Variants in ZFC3H1 observed in about 807,000 individuals in gnomAD.
ZFC3H1 encodes zinc finger C3H1 domain-containing protein.
Under a neutral mutation model 243.7 loss-of-function variants are expected in ZFC3H1, and 71 were observed. The observed-to-expected ratio is 0.29, with a 90% CI of 0.24 to 0.36. ZFC3H1 has a LOEUF of 0.36. Among genes scored for constraint, ZFC3H1 ranks in the 10% least tolerant of loss-of-function variants. The pLI is 1.00. For missense variants in ZFC3H1, 1,966 were observed against 2,317.1 expected (o/e 0.85, Z 3.11); for synonymous variants, 838 against 813.0 (o/e 1.03, Z -0.52).
At chr12:71,611,017 C>CT in intron 33 of ZFC3H1, 41 bp downstream of exon 33, 1 of 1,573,060 alleles carries the variant, frequency 6.4e-7, no homozygotes, top group Non-Finnish European at 8.6e-7. Context: ...GACAGAAAAA[C>CT]TTTTTAAAAG....
chr12:71,655,094 G>C (rs757043058), intron 2 of ZFC3H1, among the ~76,000 whole-genome samples: 1 of 152,026 alleles, frequency 6.6e-6, no homozygotes, highest in Non-Finnish European at 1.5e-5. Flanking sequence ...AACACAAAAA[G>C]CTCAAGTAAT....
intron 6 of ZFC3H1, among the ~76,000 whole-genome samples, chr12:71,640,872 T>C (rs539938691): frequency 1.7e-4 from 26 of 152,302 alleles, no homozygotes; most frequent in East Asian, 1.2e-3. Flanking sequence ...TGGTTTTTTT[T>C]TTCCCCCGCC....
At chr12:71,613,019 G>A (rs17109973) in intron 31 of ZFC3H1, among the ~76,000 whole-genome samples, 13,761 of 152,164 alleles carry the variant, frequency 0.09, 697 homozygotes, top group African/African-American at 0.13. Context: ...TTCCCTTGCC[G>A]TGGAAAACAA....
In ZFC3H1 at chr12:71,629,779, G is replaced by A. The variant is rs939282229; in HGVS notation, c.3725-69C>T. 4 of 997,628 alleles carry A rather than the reference G, an allele frequency of 4.0e-6. No homozygotes were observed. The African/African-American group carries it at 6.4e-5, about 16-fold the overall frequency. The allele number at this position is 997,628 out of a possible 1,614,324, so 61.8% of individuals were successfully genotyped here. A position where few individuals can be genotyped will look rare whatever the true frequency, so the allele number is the denominator to read the frequency against. On this transcript the variant is annotated intron_variant, in intron 18 of 34. Transcript: ENST00000378743. ...AGAGACTAGGATAATTAAAATGTAT[G>A]ACGTGAACTAGTTTAAGAATTAAAG... is the stretch of plus-strand genomic sequence containing the variant.
chr12:71,632,481 C>T lies in ZFC3H1; in HGVS notation c.2851G>A (p.Val951Ile), dbSNP rs186442960. The T allele has an allele frequency of 1.4e-4, 229 of 1,592,096 alleles. 1 individual carries two copies. The Admixed American group carries it at 4.0e-3, about 28-fold the overall frequency. The change falls in exon 15 of 35, where the codon GTA (valine) becomes ATA (isoleucine). Residue 951 changes from valine (V) to isoleucine (I), a missense_variant. Physicochemically the swap from Val to Ile is conservative, Grantham distance 29. Around this residue, in one of 4 missense-constraint regions of ZFC3H1, gnomAD observed 1,383 missense variants for 1,723.7 expected, o/e 0.80. Transcript: ENST00000378743. Reference protein sequence around the residue: ...NKMMRLDSSPVSSPRKHSAEL... With the variant: ...NKMMRLDSSPISSPRKHSAEL... ...GCTGAATGCTTTCTTGGACTTGATA[C>T]TGGAGAACTGTCCAGTCTCATCATT... is the stretch of plus-strand genomic sequence containing the variant.
intron 2 of ZFC3H1, among the ~76,000 whole-genome samples, chr12:71,652,826 C>T (rs1234478270): frequency 6.6e-6 from 1 of 152,080 alleles, no homozygotes; most frequent in African/African-American, 2.4e-5. Flanking sequence ...AGGTCTGCAA[C>T]CAAATTCACA....
In ZFC3H1 at chr12:71,663,184, G is replaced by C. The variant is rs539208084; in HGVS notation, c.427C>G (p.Arg143Gly). 6.2e-7 allele frequency: 1 copy of C among 1,614,106 alleles called. No individual in the cohort carries two copies. Among genetic ancestry groups the C allele is most frequent in the Non-Finnish European group, 8.5e-7 (1 of 1,180,034 alleles). The change falls in exon 1 of 35, where the codon CGT becomes GGT. Residue 143 changes from arginine to glycine, a missense_variant. Arg to Gly is a moderately radical substitution (Grantham distance 125). Coordinates refer to ENST00000378743, the MANE Select transcript of ZFC3H1 (RefSeq NM_144982.5). The stretch of plus-strand genomic sequence containing the variant: ...TAAGGCCTGCCTCGAAAGCGGAAAC[G>C]GTCCAAGGCGAGGTGGCTCCGCTCC... ...FWERSHLALDRFRFRGRPYRG... is the reference protein window; with the variant it reads ...FWERSHLALDGFRFRGRPYRG...
intron 27 of ZFC3H1, among the ~76,000 whole-genome samples, chr12:71,617,291 T>G (rs1879916039): frequency 6.6e-6 from 1 of 152,208 alleles, no homozygotes; most frequent in African/African-American, 2.4e-5. Context: ...TAATATCTGA[T>G]GAAAAAGACT....
chr12:71,645,094 G>C lies in ZFC3H1; in HGVS notation c.1081-19C>G. 11 of 1,564,474 alleles carry C rather than the reference G, an allele frequency of 7.0e-6. No individual in the cohort carries two copies. The highest frequency in any genetic ancestry group is 9.5e-6 in the Non-Finnish European group (11 of 1,162,628). On this transcript the variant is annotated intron_variant, in intron 3 of 34. Transcript: ENST00000378743. ...CAAGTTTCTTTAAAGCAAAAAGAAA[G>C]AGCTAAAATTTTTTAATTCTATTAT... is the stretch of plus-strand genomic sequence containing the variant.
At chr12:71,661,914 C>T (rs1881187448) in intron 1 of ZFC3H1, among the ~76,000 whole-genome samples, 2 of 152,342 alleles carry the variant, frequency 1.3e-5, no homozygotes, top group South Asian at 4.1e-4. Flanking sequence ...GCCCCTTTTA[C>T]ATCATGACAT....
At chr12:71,653,322 G>A (rs1462542244) in intron 2 of ZFC3H1, among the ~76,000 whole-genome samples, 1 of 152,148 alleles carries the variant, frequency 6.6e-6, no homozygotes, top group East Asian at 1.9e-4. Flanking sequence ...AACGAAAGAT[G>A]TATCAGAGGA....
In ZFC3H1 at chr12:71,632,096, T is replaced by C; in HGVS notation, c.3236A>G (p.Lys1079Arg). 1 of 1,611,606 alleles carries C rather than the reference T, an allele frequency of 6.2e-7. No individual in the cohort carries two copies. The highest frequency in any genetic ancestry group is 8.5e-7 in the Non-Finnish European group (1 of 1,179,324). Residue 1079 changes from lysine to arginine, a missense_variant, in exon 15 of 35, where the codon AAA becomes AGA. Lys to Arg is a conservative substitution (Grantham distance 26). Transcript: ENST00000378743. ...TTTTAACCCTAGAAAAAGTTCTGGT[T>C]TTTCTACAGTATTTTTATTAAGTTT... is the stretch of plus-strand genomic sequence containing the variant. ...INKLNKNTVE[K>R]PELFLGLKIG...
intron 23 of ZFC3H1, 139 bp downstream of exon 23, chr12:71,623,963 CAT>C (rs1880094968): frequency 2.4e-6 from 2 of 821,294 alleles, no homozygotes; most frequent in African/African-American, 1.7e-5. Context: ...CCCAATGTCA[CAT>C]GACTTACTAG....
intron 9 of ZFC3H1, among the ~76,000 whole-genome samples, chr12:71,635,805 T>G (rs564285122): frequency 2.6e-5 from 4 of 152,292 alleles, no homozygotes; most frequent in African/African-American, 9.6e-5. Context: ...TCATTAAAAT[T>G]TTATTTTCAC....
chr12:71,647,443 A>G (rs907506159), intron 3 of ZFC3H1, among the ~76,000 whole-genome samples: 8 of 152,228 alleles, frequency 5.3e-5, no homozygotes, highest in African/African-American at 1.9e-4. Flanking sequence ...CCCACACAGG[A>G]TAACACACAA....
chr12:71,632,583 T>C (rs2137535530), intron 14 of ZFC3H1, 69 bp from the exon 15 acceptor site: 4 of 1,480,252 alleles, frequency 2.7e-6, no homozygotes, highest in Non-Finnish European at 3.6e-6. Flanking sequence ...GGTAAGATAA[T>C]TGTGCTATCC....
chr12:71,643,776 A>G (rs1212675065), intron 5 of ZFC3H1, among the ~76,000 whole-genome samples: 2 of 152,194 alleles, frequency 1.3e-5, no homozygotes, highest in African/African-American at 4.8e-5. Context: ...ACAATGAAAA[A>G]CTAATGAAAT....
chr12:71,610,561 A>C lies in ZFC3H1; in HGVS notation c.5837T>G (p.Leu1946Arg). The change falls in exon 35 of 35, where the codon CTC (leucine) becomes CGC (arginine). Residue 1946 changes from leucine (L) to arginine (R), a missense_variant. Leu to Arg is a moderately radical substitution (Grantham distance 102). This residue lies in a region of ZFC3H1 where 1,383 missense variants were observed against 1,723.7 expected (regional missense o/e 0.80). Coordinates refer to ENST00000378743, the MANE Select transcript of ZFC3H1 (RefSeq NM_144982.5). ...PLCASLWKDQ[L>R]LFEASEGGKT... ...ACCTCCTTCTGATGCTTCAAACAAG[A>C]GTTGCTGTAAAAGACAGGGAAGCAT... The C allele has an allele frequency of 6.2e-7, 1 of 1,613,252 alleles. No individual in the cohort carries two copies.
In ZFC3H1 at chr12:71,610,017, G is replaced by C. The variant is rs1879729134; in HGVS notation, c.*411C>G. 6.5e-6 allele frequency: 1 copy of C among 153,302 alleles called. No homozygotes were observed. Among genetic ancestry groups the C allele is most frequent in the South Asian group, 2.1e-4 (1 of 4,846 alleles). 9.5% of individuals were successfully genotyped at this position (153,302 alleles called of 1,614,324 possible). ...AAAGGGACTGCCTGCTTTTTTTACT[G>C]TAAACACAGCCCTGGATATTAAATC... On this transcript the variant is annotated 3_prime_UTR_variant, in exon 35 of 35. Transcript: ENST00000378743.
Sources: allele counts gnomAD v4.1 joint callset (sites outside exome capture counted in the v4.1 genomes callset), GRCh38; gene constraint gnomAD v4.1.1; regional missense constraint gnomAD v4.1.1; transcripts MANE v1.5; gene names NCBI Gene and HGNC (gene_info 2026-07-23, HGNC 2026-07-21).